MAF: variants seen among roughly 807,000 people sequenced by gnomAD.
MAF encodes transcription factor Maf.
In MAF, 10 loss-of-function variants were observed where a neutral mutation model predicts 22.0. That is an observed-to-expected ratio of 0.45 (90% CI 0.28 to 0.77). The LOEUF is 0.77. Among genes scored for constraint, MAF ranks in the 30% least tolerant of loss-of-function variants. MAF has a pLI of 0.12. For synonymous variants in MAF, 337 were observed against 255.8 expected, an observed-to-expected ratio of 1.32 and a Z score of -3.03; for missense variants, 544 against 548.4, an observed-to-expected ratio of 0.99 and a Z score of 0.08.
the MAF span, among the ~76,000 whole-genome samples, chr16:79,338,759 A>G: frequency 6.6e-6 from 1 of 152,210 alleles, no homozygotes; most frequent in Non-Finnish European, 1.5e-5. Flanking sequence ...TGCTAAGGAC[A>G]TAAATATGCA....
chr16:79,348,972 A>G, the MAF span, among the ~76,000 whole-genome samples: 1 of 152,152 alleles, frequency 6.6e-6, no homozygotes, highest in African/African-American at 2.4e-5. Context: ...TGTGCCCACC[A>G]TCACTCCCCC....
chr16:79,377,194 T>G, the MAF span, among the ~76,000 whole-genome samples: 1 of 151,498 alleles, frequency 6.6e-6, no homozygotes, highest in Non-Finnish European at 1.5e-5. Flanking sequence ...TGTTGTTTCC[T>G]GACTTTTTAA....
the MAF span, among the ~76,000 whole-genome samples, chr16:79,470,033 C>A: frequency 2.6e-5 from 4 of 152,204 alleles, no homozygotes; most frequent in Admixed American, 6.5e-5. Context: ...CAGAAACGTG[C>A]GGTCTGCTCC....
At chr16:79,211,905 G>C in the MAF span, 1 of 1,554,828 alleles carries the variant, frequency 6.4e-7, no homozygotes, top group Non-Finnish European at 8.7e-7. Context: ...ATCCGCAAGA[G>C]TAAAGGAAAT....
the MAF span, among the ~76,000 whole-genome samples, chr16:79,494,350 C>A: frequency 6.6e-6 from 1 of 152,160 alleles, no homozygotes; most frequent in Non-Finnish European, 1.5e-5. Flanking sequence ...TCTCTGTTTC[C>A]TTGCTGGCTG....
chr16:79,211,931 A>AGAGT, the MAF span: 1 of 1,538,698 alleles, frequency 6.5e-7, no homozygotes, highest in Non-Finnish European at 8.7e-7. Context: ...CAGTCACAAC[A>AGAGT]GAGTGAAAAA....
the MAF span, among the ~76,000 whole-genome samples, chr16:79,291,427 A>G: frequency 7.9e-5 from 12 of 151,974 alleles, no homozygotes; most frequent in African/African-American, 2.9e-4. Context: ...CTGCTTTTGG[A>G]TTCTGGCTCT....
At chr16:79,536,352 A>G in the MAF span, among the ~76,000 whole-genome samples, 8 of 152,158 alleles carry the variant, frequency 5.3e-5, no homozygotes, top group Non-Finnish European at 7.4e-5. Context: ...AAATATTGAG[A>G]AAAATTAGGG....
the MAF span, among the ~76,000 whole-genome samples, chr16:79,441,332 A>C: frequency 6.6e-6 from 1 of 152,172 alleles, no homozygotes; most frequent in African/African-American, 2.4e-5. Context: ...TCTCTTACAC[A>C]CTTAAAAATG....
At chr16:79,462,055 GCTCT>G in the MAF span, among the ~76,000 whole-genome samples, 19 of 152,238 alleles carry the variant, frequency 1.2e-4, no homozygotes, top group African/African-American at 4.3e-4. Flanking sequence ...AGTGCCACTG[GCTCT>G]CTCTGTTTTC....
chr16:79,548,251 C>G, the MAF span, among the ~76,000 whole-genome samples: 1 of 152,018 alleles, frequency 6.6e-6, no homozygotes, highest in South Asian at 2.1e-4. Context: ...TTTCTAAGTA[C>G]GGATGTTTAA....
In MAF at chr16:79,598,842, C is replaced by A; in HGVS notation, c.1061G>T (p.Ser354Ile). 1 of 1,613,920 alleles carries A rather than the reference C, an allele frequency of 6.2e-7. No individual in the cohort carries two copies. Among genetic ancestry groups the A allele is most frequent in the Non-Finnish European group, 8.5e-7 (1 of 1,180,000 alleles). The change falls in exon 1 of 2, where the codon AGC (serine) becomes ATC (isoleucine). Residue 354 changes from serine to isoleucine, a missense_variant. Transcript: ENST00000326043. The part of the protein sequence containing the change: ...YKEKYEKLVS[S>I]GFRENGSSSD... ...GCTCGAGCCGTTTTCTCGGAAGCCG[C>A]TGCTCACCAACTTCTCGTATTTCTC...
intron 1 of MAF, chr16:79,595,111 T>C (rs1913437091): frequency 9.6e-7 from 1 of 1,038,824 alleles, no homozygotes; most frequent in Non-Finnish European, 1.2e-6. Flanking sequence ...GTGTATCTCT[T>C]AGTTGTGATG....
the MAF span, among the ~76,000 whole-genome samples, chr16:79,561,956 T>C: frequency 6.6e-6 from 1 of 152,136 alleles, no homozygotes; most frequent in African/African-American, 2.4e-5. Context: ...GACACAACAG[T>C]ATCTCTGGTT....
the MAF span, among the ~76,000 whole-genome samples, chr16:79,485,834 C>T: frequency 4.1e-4 from 63 of 152,210 alleles, no homozygotes; most frequent in Admixed American, 1.6e-3. Context: ...GGCCCAGGGG[C>T]GGCCAGCGGC....
At chr16:79,305,919 C>G in the MAF span, among the ~76,000 whole-genome samples, 1 of 152,170 alleles carries the variant, frequency 6.6e-6, no homozygotes, top group Non-Finnish European at 1.5e-5. Flanking sequence ...TTTCTGCCAC[C>G]CAAGTCCTGG....
chr16:79,213,716 C>G, the MAF span, among the ~76,000 whole-genome samples: 1 of 152,188 alleles, frequency 6.6e-6, no homozygotes, highest in Non-Finnish European at 1.5e-5. Context: ...GTAAGTGAGG[C>G]CATCCCAGAC....
chr16:79,564,076 G>T, the MAF span, among the ~76,000 whole-genome samples: 2 of 152,234 alleles, frequency 1.3e-5, no homozygotes, highest in Non-Finnish European at 2.9e-5. Context: ...AGCAGACCCT[G>T]CTTTCAACAG....
the MAF span, among the ~76,000 whole-genome samples, chr16:79,272,786 G>A: frequency 2.0e-5 from 3 of 152,028 alleles, no homozygotes; most frequent in Admixed American, 2.0e-4. Flanking sequence ...TCGGTAACGA[G>A]AGGAGCACCC....
Sources: allele counts gnomAD v4.1 joint callset (sites outside exome capture counted in the v4.1 genomes callset), GRCh38; gene constraint gnomAD v4.1.1; transcripts MANE v1.5; gene names NCBI Gene and HGNC (gene_info 2026-07-23, HGNC 2026-07-21).